Variants in RALYL observed in about 807,000 individuals in gnomAD.
RALYL encodes the protein RNA-binding Raly-like protein.
A neutral mutation model predicts 35.1 loss-of-function variants in RALYL; 29 were observed. That is an observed-to-expected ratio of 0.83 (90% CI 0.61 to 1.13). The LOEUF (loss-of-function observed/expected upper bound fraction) is 1.13. Among genes scored for constraint, RALYL ranks in the 50% most tolerant of loss-of-function variants. The pLI is 0.00. For missense variants in RALYL, 359 were observed against 360.4 expected, an observed-to-expected ratio of 1.00 and a Z score of 0.03; for synonymous variants, 120 against 127.6, an observed-to-expected ratio of 0.94 and a Z score of 0.40.
intron 2 of RALYL, among the ~76,000 whole-genome samples, chr8:84,721,925 G>A (rs1843989734): frequency 6.6e-6 from 1 of 152,028 alleles, no homozygotes; most frequent in Non-Finnish European, 1.5e-5. Context: ...GTATCAACTG[G>A]AAATTCTTGA....
chr8:84,815,943 A>G (rs913639428), intron 4 of RALYL, among the ~76,000 whole-genome samples: 2 of 150,756 alleles, frequency 1.3e-5, no homozygotes, highest in Non-Finnish European at 2.9e-5. Context: ...TTGAGGCAGC[A>G]GAATCATCTG....
chr8:84,777,092 G>C (rs1279617298), intron 3 of RALYL, among the ~76,000 whole-genome samples: 1 of 152,152 alleles, frequency 6.6e-6, no homozygotes, highest in African/African-American at 2.4e-5. Flanking sequence ...TCATTCACCT[G>C]TTCATCAGAT....
intron 2 of RALYL, among the ~76,000 whole-genome samples, chr8:84,592,820 A>C (rs1189135555): frequency 6.6e-6 from 1 of 152,152 alleles, no homozygotes; most frequent in Non-Finnish European, 1.5e-5. Context: ...TCTTTATTAA[A>C]TTTATTAGTT....
intron 6 of RALYL, among the ~76,000 whole-genome samples, chr8:84,871,102 C>T (rs1050334856): frequency 2.0e-5 from 3 of 152,164 alleles, no homozygotes; most frequent in African/African-American, 7.2e-5. Context: ...TTCCGTGTTA[C>T]ATTTCAACAT....
chr8:84,369,870 A>T (rs1563804012), intron 1 of RALYL, among the ~76,000 whole-genome samples: 1 of 152,132 alleles, frequency 6.6e-6, no homozygotes, highest in African/African-American at 2.4e-5. Flanking sequence ...TAGGCATCAA[A>T]TCAGTTAATA....
intron 1 of RALYL, among the ~76,000 whole-genome samples, chr8:84,334,516 A>C (rs1290960647): frequency 6.6e-6 from 1 of 151,178 alleles, no homozygotes; most frequent in African/African-American, 2.4e-5. Flanking sequence ...ATATCATAAA[A>C]TATATAATTA....
chr8:84,347,058 A>C (rs1459468869), intron 1 of RALYL, among the ~76,000 whole-genome samples: 1 of 151,908 alleles, frequency 6.6e-6, no homozygotes, highest in Non-Finnish European at 1.5e-5. Context: ...AAACTTAGCC[A>C]GGCTTGGTAA....
chr8:84,887,761 T>C lies in RALYL; in HGVS notation c.843T>C (p.Asp281=), dbSNP rs1388216492. 1 of 1,613,136 alleles carries C rather than the reference T, an allele frequency of 6.2e-7. No individual in the cohort carries two copies. Among genetic ancestry groups the C allele is most frequent in the Non-Finnish European group, 8.5e-7 (1 of 1,179,544 alleles). Residue 281 remains aspartate, a synonymous_variant, in exon 8 of 9, where the codon GAT becomes GAC. Transcript: ENST00000521268. The part of the protein sequence containing the change: ...TDGIEEDFDE[D]GGHELFLQIK The stretch of plus-strand genomic sequence containing the variant: ...GGATAGAGGAGGACTTCGATGAAGA[T>C]GGGGGTCATGAGCTGGTAGGAAAGA...
intron 2 of RALYL, among the ~76,000 whole-genome samples, chr8:84,605,094 T>C (rs1327934647): frequency 6.6e-6 from 1 of 152,136 alleles, no homozygotes; most frequent in South Asian, 2.1e-4. Context: ...CAGAAATTGA[T>C]CTGAATAACA....
intron 1 of RALYL, among the ~76,000 whole-genome samples, chr8:84,347,998 G>T (rs1319554026): frequency 6.6e-6 from 1 of 152,060 alleles, no homozygotes; most frequent in Non-Finnish European, 1.5e-5. Flanking sequence ...TTAAAGTTTA[G>T]CATTTGCTTT....
chr8:84,876,769 A>ATGTT (rs756093563), intron 7 of RALYL, among the ~76,000 whole-genome samples: 51 of 152,278 alleles, frequency 3.3e-4, no homozygotes, highest in Admixed American at 9.2e-4. Context: ...TAACATTGGG[A>ATGTT]TGTTAGACTT....
At chr8:84,606,461 T>C (rs1476701936) in intron 2 of RALYL, among the ~76,000 whole-genome samples, 1 of 152,118 alleles carries the variant, frequency 6.6e-6, no homozygotes, top group African/African-American at 2.4e-5. Context: ...TTGTTTTAAT[T>C]TAAAAAACAC....
chr8:84,370,184 T>G lies in RALYL; in HGVS notation c.-23-159115T>G, dbSNP rs547646652. ...TTAAAATAACCAGTATTTCTTCCAG[T>G]GAGCATTGAAGAATTAAGCTGTAAA... On this transcript the variant is annotated intron_variant, in intron 1 of 8. Transcript: ENST00000521268. Among the ~76,000 whole-genome samples the G allele has an allele frequency of 9.2e-5, 14 of 152,200 alleles. No individual in the cohort carries two copies. In the South Asian group the frequency reaches 1.7e-3, roughly 18 times the overall value.
intron 2 of RALYL, among the ~76,000 whole-genome samples, chr8:84,684,338 A>G (rs1836299996): frequency 6.6e-6 from 1 of 152,172 alleles, no homozygotes; most frequent in South Asian, 2.1e-4. Context: ...ACTATGAATT[A>G]GGATGAGGAA....
chr8:84,865,654 G>C (rs541212248), intron 6 of RALYL, among the ~76,000 whole-genome samples: 16 of 152,086 alleles, frequency 1.1e-4, no homozygotes, highest in Non-Finnish European at 2.1e-4. Context: ...TTTTACAAAA[G>C]AGAAAACATG....
chr8:84,273,611 C>T lies in RALYL; in HGVS notation c.-24+89187C>T, dbSNP rs186147027. On this transcript the variant is annotated intron_variant, in intron 1 of 8. Transcript: ENST00000521268. ...GCCATCTTCAAGGATGCGTACATGT[C>T]TGTCTTTATATGTTTTGGGAGAGGC... Among the ~76,000 whole-genome samples the T allele has an allele frequency of 8.5e-4, 130 of 152,322 alleles. No homozygotes were observed. The Middle Eastern group carries it at 0.024, about 28-fold the overall frequency.
chr8:84,654,911 C>T (rs1829657380), intron 2 of RALYL, among the ~76,000 whole-genome samples: 1 of 151,896 alleles, frequency 6.6e-6, no homozygotes, highest in Admixed American at 6.6e-5. Flanking sequence ...GCTATCTCTT[C>T]GATATACCAA....
At chr8:84,839,118 G>T (rs1466694528) in intron 4 of RALYL, among the ~76,000 whole-genome samples, 3 of 152,192 alleles carry the variant, frequency 2.0e-5, no homozygotes. Flanking sequence ...TCAGAAAGTG[G>T]GTGCAGGACA....
intron 1 of RALYL, among the ~76,000 whole-genome samples, chr8:84,515,918 A>C (rs1017747881): frequency 6.7e-6 from 1 of 149,758 alleles, no homozygotes; most frequent in African/African-American, 2.4e-5. Flanking sequence ...ATTAAAGGCA[A>C]TGGATTTACC....
Sources: allele counts gnomAD v4.1 joint callset (sites outside exome capture counted in the v4.1 genomes callset), GRCh38; gene constraint gnomAD v4.1.1; transcripts MANE v1.5; gene names NCBI Gene and HGNC (gene_info 2026-07-23, HGNC 2026-07-21).